SCN10A: variants seen among roughly 807,000 people sequenced by gnomAD.
SCN10A encodes sodium channel protein type 10 subunit alpha.
In SCN10A, 162 loss-of-function variants were observed where a neutral mutation model predicts 170.7. That is an observed-to-expected ratio of 0.95 (90% CI 0.84 to 1.08). The LOEUF is 1.08. Ranked by LOEUF, SCN10A falls within the 50% of genes least tolerant of loss-of-function variation. SCN10A has a pLI of 0.00. For missense variants in SCN10A, 2,527 were observed against 2,436.9 expected, an observed-to-expected ratio of 1.04 and a Z score of -0.78; for synonymous variants, 985 against 904.6, an observed-to-expected ratio of 1.09 and a Z score of -1.59.
In SCN10A at chr3:38,698,012, C is replaced by T; in HGVS notation, c.5208G>A (p.Leu1736=). The T allele has an allele frequency of 1.2e-6, 2 of 1,614,178 alleles. No homozygotes were observed. Among genetic ancestry groups the T allele is most frequent in the Non-Finnish European group, 1.7e-6 (2 of 1,180,026 alleles). The change falls in exon 28 of 28, where the codon CTG becomes CTA. Residue 1736 remains leucine (L), a synonymous_variant. Transcript: ENST00000449082. The part of the protein sequence containing the change: ...NVATEESTEP[L]SEDDFDMFYE... ...AGAACATGTCAAAGTCGTCCTCACT[C>T]AGGGGCTCAGTGCTCTCCTCCGTGG...
intron 10 of SCN10A, 47 bp downstream of exon 10, chr3:38,756,627 A>G (rs1368244473): frequency 8.0e-6 from 12 of 1,500,872 alleles, no homozygotes; most frequent in Non-Finnish European, 1.1e-5. Context: ...GTATCCAAGA[A>G]TGGACAGTCT....
intron 1 of SCN10A, among the ~76,000 whole-genome samples, chr3:38,810,022 G>A (rs570135542): frequency 3.3e-5 from 5 of 152,204 alleles, no homozygotes; most frequent in Admixed American, 2.0e-4. Context: ...TCTGGGCTTT[G>A]GGACACTGAA....
chr3:38,738,724 G>A (rs1390787007), intron 15 of SCN10A, among the ~76,000 whole-genome samples: 1 of 152,208 alleles, frequency 6.6e-6, no homozygotes, highest in Non-Finnish European at 1.5e-5. Context: ...GAGATGCCAA[G>A]CTTCCTCCAG....
In SCN10A at chr3:38,752,373, C is replaced by A; in HGVS notation, c.1601G>T (p.Arg534Leu). 1 of 1,613,938 alleles carries A rather than the reference C, an allele frequency of 6.2e-7. No individual in the cohort carries two copies. Among genetic ancestry groups the A allele is most frequent in the South Asian group, 1.1e-5 (1 of 90,994 alleles). The change falls in exon 12 of 28, where the codon CGG becomes CTG. Residue 534 changes from arginine (R) to leucine (L), a missense_variant. Arg to Leu is a moderately radical substitution (Grantham distance 102, BLOSUM62 -2). Transcript: ENST00000449082. Reference protein sequence around the residue: ...GVFPGDHESHRGSLLLGGGAG... With the variant: ...GVFPGDHESHLGSLLLGGGAG... ...ACCCCCACCCAGCAGCAGAGAGCCC[C>A]GATGGCTTTCGTGGTCTCCAGGAAA...
intron 12 of SCN10A, 47 bp from the exon 13 acceptor site, chr3:38,750,231 T>A: frequency 1.8e-6 from 2 of 1,114,936 alleles, no homozygotes; most frequent in East Asian, 4.8e-5. Context: ...ACCTGACATC[T>A]TCATGGCAAA....
chr3:38,766,827 G>GATAGA (rs1181288593), intron 5 of SCN10A, among the ~76,000 whole-genome samples: 1 of 152,088 alleles, frequency 6.6e-6, no homozygotes, highest in African/African-American at 2.4e-5. Context: ...TTGAATGTCT[G>GATAGA]ATAGAATTCA....
rs551664025 is a variant in SCN10A, at chr3:38,776,162, C to T, written c.471-4755G>A. ...CATTGGTCCAATAAAATTCAATTAT[C>T]ATTATTCATTGTCATGGCTCCCATT... On this transcript the variant is annotated intron_variant, in intron 4 of 27. Coordinates refer to ENST00000449082, the MANE Select transcript of SCN10A (RefSeq NM_006514.4). Among the ~76,000 whole-genome samples the T allele has an allele frequency of 1.4e-4, 22 of 152,138 alleles. 1 individual carries two copies. The highest frequency in any genetic ancestry group is 5.3e-4 in the African/African-American group (22 of 41,552).
At chr3:38,756,919 AC>A in intron 9 of SCN10A, 48 bp from the exon 10 acceptor site, 1 of 1,608,520 alleles carries the variant, frequency 6.2e-7, no homozygotes, top group Non-Finnish European at 8.5e-7. Context: ...TAGCACATGG[AC>A]CCCTGAATTT....
intron 13 of SCN10A, among the ~76,000 whole-genome samples, chr3:38,748,218 T>C (rs1030638997): frequency 1.3e-5 from 2 of 152,068 alleles, no homozygotes; most frequent in Admixed American, 6.5e-5. Context: ...AGAAAGAAAT[T>C]GTGGGAATAG....
At chr3:38,733,278 G>A (rs1036374082) in intron 15 of SCN10A, among the ~76,000 whole-genome samples, 1 of 152,204 alleles carries the variant, frequency 6.6e-6, no homozygotes, top group East Asian at 1.9e-4. Context: ...CCTCCTTCAG[G>A]CATGGCAAAG....
At chr3:38,718,364 T>G (rs1022705946) in intron 21 of SCN10A, among the ~76,000 whole-genome samples, 1 of 152,234 alleles carries the variant, frequency 6.6e-6, no homozygotes, top group Non-Finnish European at 1.5e-5. Context: ...CTCTGAGAGC[T>G]GCATGTGTCA....
At chr3:38,777,621 A>T (rs1367346683) in intron 4 of SCN10A, among the ~76,000 whole-genome samples, 4 of 152,110 alleles carry the variant, frequency 2.6e-5, no homozygotes, top group Non-Finnish European at 5.9e-5. Context: ...TGGAAAAGTA[A>T]AGAAACAAGA....
At chr3:38,722,175 C>G (rs575719667) in intron 20 of SCN10A, 83 bp downstream of exon 20, 1 of 1,366,704 alleles carries the variant, frequency 7.3e-7, no homozygotes, top group Non-Finnish European at 1.0e-6. Flanking sequence ...TCAGGAGAAC[C>G]CACTGATGCA....
At chr3:38,710,719 G>C in intron 24 of SCN10A, 125 bp downstream of exon 24, 1 of 859,204 alleles carries the variant, frequency 1.2e-6, no homozygotes, top group Non-Finnish European at 1.9e-6. Context: ...AGGAGGGACA[G>C]TGTGAGGTTG....
chr3:38,743,145 C>T lies in SCN10A; in HGVS notation c.1868-616G>A, dbSNP rs146438705. Among the ~76,000 whole-genome samples, 345 of 152,304 alleles carry T rather than the reference C, an allele frequency of 2.3e-3. 4 individuals are homozygous for T. The highest frequency in any genetic ancestry group is 3.7e-3 in the Non-Finnish European group (254 of 68,016). On this transcript the variant is annotated intron_variant, in intron 13 of 27. Transcript: ENST00000449082. ...CCTCCGGCTCTTCTTTCTACTTACT[C>T]TCTGTTGATGAGCTCCCTTTTATTT...
chr3:38,726,946 C>T lies in SCN10A; in HGVS notation c.2747G>A (p.Arg916Gln), dbSNP rs267599804. 37 of 1,614,120 alleles carry T rather than the reference C, an allele frequency of 2.3e-5. No homozygotes were observed. The highest frequency in any genetic ancestry group is 5.3e-5 in the African/African-American group (4 of 74,946). The stretch of plus-strand genomic sequence containing the variant: ...GGTACGATGGCCAAAGACCTGGATC[C>T]GTGCCAGGGCCACCTGCAGGTTGTT... ...EVNNLQVALA[R>Q]IQVFGHRTKQ... Residue 916 changes from arginine (R) to glutamine (Q), a missense_variant, in exon 17 of 28, where the codon CGG becomes CAG. Physicochemically the swap from Arg to Gln is conservative, Grantham distance 43. Transcript: ENST00000449082.
rs1326868110 is a variant in SCN10A at position 38,736,324 on chromosome 3, G to A, written c.2280+3191C>T. Among the ~76,000 whole-genome samples, 4 of 150,176 alleles carry A rather than the reference G, an allele frequency of 2.7e-5. 1 individual carries two copies. The highest frequency in any genetic ancestry group is 2.0e-4 in the Admixed American group (3 of 15,106). On this transcript the variant is annotated intron_variant, in intron 15 of 27. Coordinates refer to ENST00000449082, the MANE Select transcript of SCN10A (RefSeq NM_006514.4). ...ACCAGTGAAGTTATTTGTAACAAAT[G>A]TAGGTACTAACATAAGATGTTGGTA... is the stretch of plus-strand genomic sequence containing the variant.
chr3:38,716,474 C>T (rs2063335213), intron 21 of SCN10A, among the ~76,000 whole-genome samples: 1 of 152,166 alleles, frequency 6.6e-6, no homozygotes. Context: ...TGACTCGCAC[C>T]TCCTTTCCTT....
intron 4 of SCN10A, among the ~76,000 whole-genome samples, chr3:38,788,686 C>T (rs892169246): frequency 5.9e-5 from 9 of 152,058 alleles, no homozygotes; most frequent in Non-Finnish European, 1.0e-4. Context: ...GGCTGGGACT[C>T]AGGCATTTAA....
Sources: gnomAD v4.1 joint callset for allele counts (sites outside exome capture counted in the v4.1 genomes callset) on GRCh38, gnomAD v4.1.1 for gene constraint, MANE v1.5 for transcripts, NCBI Gene and HGNC (gene_info 2026-07-23, HGNC 2026-07-21) for gene names.